The following LMBRD1 variants were observed in gnomAD, a reference collection of about 807,000 sequenced individuals.
The protein encoded by LMBRD1 is lysosomal cobalamin transport escort protein LMBD1.
LMBRD1 carries 64 observed loss-of-function variants against 74.8 expected under a neutral mutation model. The ratio of observed to expected loss-of-function variants is 0.86; its 90% confidence interval spans 0.70 to 1.05. The LOEUF is 1.05. LMBRD1 is among the 50% of genes least tolerant of loss of function. The pLI is 0.00. For missense variants in LMBRD1, 652 were observed against 645.9 expected (o/e 1.01, Z -0.10); for synonymous variants, 204 against 216.3 (o/e 0.94, Z 0.50).
chr6:69,761,348 T>A (rs112797518), intron 3 of LMBRD1, among the ~76,000 whole-genome samples: 1 of 152,136 alleles, frequency 6.6e-6, no homozygotes, highest in Non-Finnish European at 1.5e-5. Flanking sequence ...AATAAAATGG[T>A]CAGACAAAAG....
rs568493514 is a variant in LMBRD1 at position 69,702,281 on chromosome 6, A to C, written c.916-328T>G. ...GACTGAAAAGTACATTATGACTAAC[A>C]CACAGACACACACACACACACACAC... On this transcript the variant is annotated intron_variant, in intron 9 of 15. Coordinates refer to ENST00000649934, the MANE Select transcript of LMBRD1 (RefSeq NM_018368.4). Among the ~76,000 whole-genome samples the C allele has an allele frequency of 3.2e-5, 4 of 126,858 alleles. No homozygotes were observed. The Admixed American group carries it at 3.2e-4, about 10-fold the overall frequency. 83.2% of individuals were successfully genotyped at this position (126,858 alleles called of 152,430 possible). A position where few individuals can be genotyped will look rare whatever the true frequency, so the allele number is the denominator to read the frequency against.
At position 69,705,151 on chromosome 6, in the gene LMBRD1, A is replaced by G. The variant is rs551905497; in HGVS notation, c.916-3198T>C. On this transcript the variant is annotated intron_variant, in intron 9 of 15. Coordinates refer to ENST00000649934, the MANE Select transcript of LMBRD1 (RefSeq NM_018368.4). ...CATTTTGGACAACACATTATTGGCA[A>G]TGGAGCCTGGACAACATTTATCAAA... is the stretch of plus-strand genomic sequence containing the variant. 3.5e-4 allele frequency: 166 copies of G among 477,868 alleles called. 1 individual carries two copies. The highest frequency in any genetic ancestry group is 2.0e-3 in the East Asian group (50 of 25,612). The allele number at this position is 477,868 out of a possible 1,614,324, so 29.6% of individuals were successfully genotyped here. A position where few individuals can be genotyped will look rare whatever the true frequency, so the allele number is the denominator to read the frequency against.
chr6:69,783,364 T>C (rs1226054158), intron 2 of LMBRD1, among the ~76,000 whole-genome samples: 2 of 152,170 alleles, frequency 1.3e-5, no homozygotes, highest in African/African-American at 4.8e-5. Context: ...AATTTAAAAG[T>C]ATTTTTGTGG....
At chr6:69,788,866 C>T (rs1028136603) in intron 2 of LMBRD1, among the ~76,000 whole-genome samples, 2 of 152,228 alleles carry the variant, frequency 1.3e-5, no homozygotes, top group African/African-American at 4.8e-5. Flanking sequence ...TGGAACCAAA[C>T]TGCAGAGCTT....
At chr6:69,728,046 G>C (rs1451060165) in intron 7 of LMBRD1, among the ~76,000 whole-genome samples, 1 of 152,160 alleles carries the variant, frequency 6.6e-6, no homozygotes, top group Non-Finnish European at 1.5e-5. Flanking sequence ...AAAGAAAAGA[G>C]GTTTAATTGG....
At chr6:69,676,932 T>A (rs1687364726) in intron 14 of LMBRD1, among the ~76,000 whole-genome samples, 1 of 152,134 alleles carries the variant, frequency 6.6e-6, no homozygotes, top group African/African-American at 2.4e-5. Flanking sequence ...AGTAATCAGA[T>A]GTGGTCAGTA....
At chr6:69,713,138 C>T (rs993346103) in intron 9 of LMBRD1, among the ~76,000 whole-genome samples, 1 of 151,974 alleles carries the variant, frequency 6.6e-6, no homozygotes, top group Non-Finnish European at 1.5e-5. Context: ...CAAACCTAGT[C>T]AATTTATTTT....
At position 69,780,556 on chromosome 6, in the gene LMBRD1, T is replaced by A; in HGVS notation, c.247-2A>T. The A allele has an allele frequency of 6.2e-7, 1 of 1,603,348 alleles. No individual in the cohort carries two copies. Among genetic ancestry groups the A allele is most frequent in the Non-Finnish European group, 8.5e-7 (1 of 1,170,776 alleles). ...GCTGACATTAGCATTAGCCCAGTCC[T>A]AGGATAAAAGGAAACAATAGAAATA... On this transcript the variant is annotated splice_acceptor_variant, in intron 2 of 15. Transcript: ENST00000649934. LOFTEE classifies it high-confidence loss of function.
intron 8 of LMBRD1, among the ~76,000 whole-genome samples, chr6:69,714,416 C>A (rs1766448533): frequency 6.6e-6 from 1 of 152,106 alleles, no homozygotes; most frequent in Admixed American, 6.6e-5. Flanking sequence ...GCGACACTTT[C>A]TGTAACCATG....
intron 14 of LMBRD1, among the ~76,000 whole-genome samples, chr6:69,697,163 T>A (rs1582058194): frequency 1.3e-5 from 2 of 152,072 alleles, no homozygotes; most frequent in East Asian, 3.9e-4. Context: ...TAACTAACAC[T>A]ATTATTATTA....
At chr6:69,691,633 T>C (rs569633049) in intron 14 of LMBRD1, among the ~76,000 whole-genome samples, 8 of 151,978 alleles carry the variant, frequency 5.3e-5, no homozygotes, top group Admixed American at 2.0e-4. Context: ...TCCCAGCACT[T>C]TGGGAGGCTG....
intron 7 of LMBRD1, among the ~76,000 whole-genome samples, chr6:69,724,511 G>C (rs2149860121): frequency 7.1e-6 from 1 of 140,210 alleles, no homozygotes; most frequent in South Asian, 2.5e-4. Context: ...ATTTGTATTT[G>C]TTGAACCATC....
intron 7 of LMBRD1, 57 bp downstream of exon 7, chr6:69,737,885 A>G: frequency 9.6e-7 from 1 of 1,045,598 alleles, no homozygotes; most frequent in South Asian, 1.4e-5. Flanking sequence ...TAAATTACTA[A>G]GGTAAAAAAA....
intron 2 of LMBRD1, among the ~76,000 whole-genome samples, chr6:69,786,691 A>G (rs1166293217): frequency 6.6e-6 from 1 of 152,188 alleles, no homozygotes; most frequent in Non-Finnish European, 1.5e-5. Flanking sequence ...ATGCTGAAAG[A>G]AAGGTCAACA....
chr6:69,761,850 C>T (rs118169121), intron 3 of LMBRD1, among the ~76,000 whole-genome samples: 4,038 of 152,220 alleles, frequency 0.027, 73 homozygotes, highest in Middle Eastern at 0.075. Context: ...AGAGATTTGC[C>T]TTTTCTGGTC....
rs552542475 is a variant in LMBRD1 at position 69,780,369 on chromosome 6, G to A, written c.307+125C>T. On this transcript the variant is annotated intron_variant, in intron 3 of 15. Transcript: ENST00000649934. ...TCCCTGCTCCTTAAAACTACTCCATGTGTGTCCATGTCATTTTTTTCTAAT... is the reference window on the plus strand; with the variant it reads ...TCCCTGCTCCTTAAAACTACTCCATATGTGTCCATGTCATTTTTTTCTAAT... 120 of 732,512 alleles carry A rather than the reference G, an allele frequency of 1.6e-4. No individual in the cohort carries two copies. The African/African-American group carries it at 1.9e-3, about 12-fold the overall frequency. The allele number at this position is 732,512 out of a possible 1,614,324, so 45.4% of individuals were successfully genotyped here. A position where few individuals can be genotyped will look rare whatever the true frequency, so the allele number is the denominator to read the frequency against.
In LMBRD1 at chr6:69,741,858, C is replaced by T. The variant is rs751282779; in HGVS notation, c.493G>A (p.Val165Ile). ...LLVGAFVPLN[V>I]PNNKNSTEWE... The stretch of plus-strand genomic sequence containing the variant: ...TCTGTAGAATTTTTGTTATTGGGAA[C>T]ATTCAATGGAACAAAGGCACTACAA... Residue 165 changes from valine to isoleucine, a missense_variant, in exon 6 of 16, where the codon GTT (valine) becomes ATT (isoleucine). Val to Ile is a conservative substitution (Grantham distance 29). Transcript: ENST00000649934. 1.3e-6 allele frequency: 2 copies of T among 1,599,690 alleles called. No homozygotes were observed. Among genetic ancestry groups the T allele is most frequent in the Non-Finnish European group, 8.6e-7 (1 of 1,167,136 alleles).
intron 3 of LMBRD1, among the ~76,000 whole-genome samples, chr6:69,776,531 T>C (rs1235633728): frequency 2.0e-5 from 3 of 152,236 alleles, no homozygotes; most frequent in African/African-American, 4.8e-5. Context: ...AATCTTAATA[T>C]TCTAGAAAAG....
At chr6:69,679,071 CAA>C (rs34563596) in intron 14 of LMBRD1, among the ~76,000 whole-genome samples, 1 of 149,174 alleles carries the variant, frequency 6.7e-6, no homozygotes, top group Non-Finnish European at 1.5e-5. Context: ...AACAAACAAA[CAA>C]AAAAAATCAC....
Sources: gnomAD v4.1 joint callset for allele counts (sites outside exome capture counted in the v4.1 genomes callset) on GRCh38, gnomAD v4.1.1 for gene constraint, MANE v1.5 for transcripts, NCBI Gene and HGNC (gene_info 2026-07-23, HGNC 2026-07-21) for gene names.